Variants in MDN1 observed in about 807,000 individuals in gnomAD.
The protein encoded by MDN1 is midasin AAA ATPase 1.
MDN1 carries 266 observed loss-of-function variants against 669.2 expected under a neutral mutation model. The observed-to-expected ratio is 0.40, with a 90% CI of 0.36 to 0.44. MDN1 has a LOEUF of 0.44. Ranked by LOEUF, MDN1 falls within the 20% of genes least tolerant of loss-of-function variation. MDN1 has a pLI of 1.00. For missense variants in MDN1, 5,940 were observed against 6,754.0 expected (o/e 0.88, Z 4.22); for synonymous variants, 2,385 against 2,457.1 (o/e 0.97, Z 0.87).
chr6:89,671,035 G>C lies in MDN1; in HGVS notation c.13840C>G (p.Leu4614Val). 6.2e-7 allele frequency: 1 copy of C among 1,614,134 alleles called. No homozygotes were observed. Residue 4614 changes from leucine (L) to valine (V), a missense_variant, in exon 83 of 102, where the codon CTC becomes GTC. Physicochemically the swap from Leu to Val is conservative, Grantham distance 32 (BLOSUM62 1). Transcript: ENST00000369393. ...AGGACGAGGTCTGAGTAGCTGGAGA[G>C]GACCGGCACCAGGCGCACCAGCAAG... ...CSLLVRLVPV[L>V]SSYSDLVLFF... is the part of the protein sequence containing the mutation.
At position 89,754,227 on chromosome 6, in the gene MDN1, G is replaced by T; in HGVS notation, c.2820C>A (p.Phe940Leu). ...CAGACTCTTTCCGCAAAGCTGTGTA[G>T]AAGCTACAAATAGAATAAAGGTCAG... The part of the protein sequence containing the change: ...NKNTVQGIIN[F>L]YTALRKESGT... Residue 940 changes from phenylalanine to leucine, a missense_variant, in exon 21 of 102, where the codon TTC (phenylalanine) becomes TTA (leucine). Physicochemically the swap from Phe to Leu is conservative, Grantham distance 22. Around this residue, in one of 5 missense-constraint regions of MDN1, gnomAD observed 1,203 missense variants for 1,268.9 expected, o/e 0.95. Transcript: ENST00000369393. The T allele has an allele frequency of 6.2e-7, 1 of 1,613,034 alleles. No homozygotes were observed. Among genetic ancestry groups the T allele is most frequent in the Non-Finnish European group, 8.5e-7 (1 of 1,179,506 alleles).
At chr6:89,670,866 G>A in intron 83 of MDN1, 53 bp downstream of exon 83, 1 of 1,561,026 alleles carries the variant, frequency 6.4e-7, no homozygotes, top group Non-Finnish European at 8.7e-7. Context: ...CTAATGACAT[G>A]AAATTTACTT....
In MDN1 at chr6:89,819,547, C is replaced by A. The variant is rs747006031; in HGVS notation, c.61G>T (p.Glu21Ter). ...APLRLIAAKN[E>*]KSRSELGRFL... ...CTGCCCAACTCACTGCGGCTCTTCT[C>A]GTTCTTGGCTGCGATTAACCGCAGC... The change falls in exon 1 of 102, where the codon GAG (glutamate) becomes TAG (stop). Residue 21 changes from glutamate to a stop codon, truncating the protein, a stop_gained. Transcript: ENST00000369393. LOFTEE classifies it high-confidence loss of function. 2 of 1,605,202 alleles carry A rather than the reference C, an allele frequency of 1.2e-6. No homozygotes were observed. Among genetic ancestry groups the A allele is most frequent in the Non-Finnish European group, 1.7e-6 (2 of 1,179,976 alleles).
rs1442391393 is a variant in MDN1 at position 89,683,237 on chromosome 6, G to A, written c.11997C>T (p.Asp3999=). The change falls in exon 73 of 102, where the codon GAC becomes GAT. Residue 3999 remains aspartate, a synonymous_variant. Transcript: ENST00000369393. ...CTCCATCTGTTGGCCTGGGCAAAAA[G>A]TCAGGCTGTTCTTCCTTGTCACTCT... ...LVESDKEEQP[D]FLPRPTDGAA... 1.9e-6 allele frequency: 3 copies of A among 1,614,068 alleles called. No homozygotes were observed. The highest frequency in any genetic ancestry group is 1.1e-5 in the South Asian group (1 of 91,092).
At chr6:89,743,990 C>G (rs1235100660) in intron 29 of MDN1, among the ~76,000 whole-genome samples, 1 of 151,632 alleles carries the variant, frequency 6.6e-6, no homozygotes. Flanking sequence ...GTAACCCTAG[C>G]ACTTTGGGAG....
chr6:89,667,796 T>A (rs1441283177), intron 84 of MDN1, among the ~76,000 whole-genome samples: 4 of 152,104 alleles, frequency 2.6e-5, no homozygotes, highest in Non-Finnish European at 5.9e-5. Flanking sequence ...ATTTCCTCCA[T>A]AATTATAGCC....
chr6:89,791,641 G>A (rs1396583473), intron 5 of MDN1, among the ~76,000 whole-genome samples: 2 of 152,038 alleles, frequency 1.3e-5, no homozygotes, highest in African/African-American at 4.8e-5. Context: ...AACACACCCA[G>A]TAAGTTTAAT....
chr6:89,764,513 G>C (rs1424468825), intron 15 of MDN1, among the ~76,000 whole-genome samples: 1 of 152,170 alleles, frequency 6.6e-6, no homozygotes, highest in African/African-American at 2.4e-5. Context: ...GCTGAGGTGG[G>C]AGGCTTGTTC....
At chr6:89,762,645 T>C (rs1471530399) in intron 15 of MDN1, 115 bp from the exon 16 acceptor site, 2 of 706,500 alleles carry the variant, frequency 2.8e-6, no homozygotes, top group Non-Finnish European at 4.7e-6. Context: ...ACGTCAGAAA[T>C]ACTACTGAAA....
intron 1 of MDN1, among the ~76,000 whole-genome samples, chr6:89,804,317 T>C (rs1767873409): frequency 1.3e-5 from 2 of 152,212 alleles, no homozygotes; most frequent in South Asian, 4.1e-4. Flanking sequence ...AGTGAGATTC[T>C]ATTATAAAAT....
In MDN1 at chr6:89,774,647, T is replaced by C. The variant is rs936670844; in HGVS notation, c.1908A>G (p.Lys636=). The change falls in exon 13 of 102, where the codon AAA becomes AAG. Residue 636 remains lysine (K), a synonymous_variant. Transcript: ENST00000369393. Reference sequence around the variant, plus strand: ...TCTGTAGGTGAACAGCCTCACTTTGTTTCCGTAGAAGCCGCACTCGACCCA... The same window carrying C: ...TCTGTAGGTGAACAGCCTCACTTTGCTTCCGTAGAAGCCGCACTCGACCCA... ...LQVGRVRLLR[K]QSEAVHLQRE... The C allele has an allele frequency of 1.2e-6, 2 of 1,613,560 alleles. No homozygotes were observed. The highest frequency in any genetic ancestry group is 1.7e-6 in the Non-Finnish European group (2 of 1,179,644).
Position 89,661,486 on chromosome 6 carries a change from G to T in MDN1, c.14658C>A (p.Asn4886Lys). Residue 4886 changes from asparagine to lysine, a missense_variant, in exon 88 of 102, where the codon AAC becomes AAA. Around this residue, in one of 5 missense-constraint regions of MDN1, gnomAD observed 2,280 missense variants for 2,576.3 expected, o/e 0.88. Coordinates refer to ENST00000369393, the MANE Select transcript of MDN1 (RefSeq NM_014611.3). ...PEALDLPDDL[N>K]LDSEDKNGGE... Reference sequence around the variant, plus strand: ...CACCATTCTTGTCTTCACTGTCGAGGTTCAAGTCATCTGGAAGGTCCAAAG... The same window carrying T: ...CACCATTCTTGTCTTCACTGTCGAGTTTCAAGTCATCTGGAAGGTCCAAAG... 1 of 1,614,134 alleles carries T rather than the reference G, an allele frequency of 6.2e-7. No homozygotes were observed. Among genetic ancestry groups the T allele is most frequent in the Non-Finnish European group, 8.5e-7 (1 of 1,180,010 alleles).
At chr6:89,691,119 G>A (rs955757543) in intron 63 of MDN1, among the ~76,000 whole-genome samples, 5 of 152,176 alleles carry the variant, frequency 3.3e-5, no homozygotes, top group East Asian at 1.9e-4. Flanking sequence ...CCTGTCAAGA[G>A]GTAAAGGTGC....
chr6:89,707,220 G>A, intron 52 of MDN1, 141 bp downstream of exon 52: 1 of 635,014 alleles, frequency 1.6e-6, no homozygotes, highest in South Asian at 1.9e-5. Context: ...TTACTATTGA[G>A]TAAGGGGACA....
At position 89,750,379 on chromosome 6, in the gene MDN1, G is replaced by T; in HGVS notation, c.3381C>A (p.Ser1127=). ...QEYIGCYTSD[S]SGKLVFKEGV... ...CTTCCTTAAAGACAAGCTTCCCTGA[G>T]GAGTCAGACGTGTAACAACCAATGT... Residue 1127 remains serine (S), a synonymous_variant, in exon 24 of 102, where the codon TCC becomes TCA. Coordinates refer to ENST00000369393, the MANE Select transcript of MDN1 (RefSeq NM_014611.3). 1 of 1,611,320 alleles carries T rather than the reference G, an allele frequency of 6.2e-7. No homozygotes were observed. Among genetic ancestry groups the T allele is most frequent in the Non-Finnish European group, 8.5e-7 (1 of 1,177,672 alleles).
intron 2 of MDN1, among the ~76,000 whole-genome samples, chr6:89,796,260 G>A (rs1819586217): frequency 7.9e-6 from 1 of 126,870 alleles, no homozygotes. Context: ...AGACACGGAG[G>A]TTATAGTGAG....
At chr6:89,745,228 T>C (rs750084000) in intron 29 of MDN1, 45 bp downstream of exon 29, 4 of 1,599,874 alleles carry the variant, frequency 2.5e-6, no homozygotes, top group Non-Finnish European at 3.4e-6. Flanking sequence ...AGTAATCCTA[T>C]GGAATTGAAA....
chr6:89,728,655 A>G (rs1437562153), intron 36 of MDN1, among the ~76,000 whole-genome samples: 1 of 152,126 alleles, frequency 6.6e-6, no homozygotes, highest in Non-Finnish European at 1.5e-5. Context: ...ACATGGTGAA[A>G]CCCTGTCTCT....
At chr6:89,690,984 T>C in intron 63 of MDN1, 150 bp from the exon 64 acceptor site, 1 of 964,464 alleles carries the variant, frequency 1.0e-6, no homozygotes, top group South Asian at 1.8e-5. Context: ...TTCCATGGAA[T>C]AAAGAGCAAA....
Sources: gnomAD v4.1 joint callset for allele counts (sites outside exome capture counted in the v4.1 genomes callset) on GRCh38, gnomAD v4.1.1 for gene constraint, gnomAD v4.1.1 regional missense constraint, MANE v1.5 for transcripts, NCBI Gene and HGNC (gene_info 2026-07-23, HGNC 2026-07-21) for gene names.